Variants in PPP2R5E observed in about 807,000 individuals in gnomAD.
PPP2R5E encodes serine/threonine-protein phosphatase 2A 56 kDa regulatory subunit epsilon isoform.
A neutral mutation model predicts 65.3 loss-of-function variants in PPP2R5E; 4 were observed. That is an observed-to-expected ratio of 0.06 (90% CI 0.03 to 0.14). The LOEUF is 0.14. PPP2R5E is among the 10% of genes least tolerant of loss of function. PPP2R5E has a pLI of 1.00. For synonymous variants in PPP2R5E, 183 were observed against 187.4 expected, an observed-to-expected ratio of 0.98 and a Z score of 0.19; for missense variants, 274 against 556.1, an observed-to-expected ratio of 0.49 and a Z score of 5.10.
At chr14:63,398,745 G>A (rs944454166) in intron 5 of PPP2R5E, among the ~76,000 whole-genome samples, 5 of 152,114 alleles carry the variant, frequency 3.3e-5, no homozygotes, top group East Asian at 1.9e-4. Flanking sequence ...AGCCGAGATC[G>A]CGCTGCTGCA....
chr14:63,516,268 G>C (rs1892667903), intron 2 of PPP2R5E, among the ~76,000 whole-genome samples: 1 of 152,108 alleles, frequency 6.6e-6, no homozygotes, highest in Admixed American at 6.5e-5. Flanking sequence ...CTTGAGAAAA[G>C]AATGAGAAAT....
chr14:63,492,150 T>TACAG (rs1272490341), intron 2 of PPP2R5E, among the ~76,000 whole-genome samples: 6 of 152,112 alleles, frequency 3.9e-5, no homozygotes, highest in African/African-American at 1.4e-4. Context: ...GAACAAGAAT[T>TACAG]ACAGGTTTAT....
At chr14:63,407,128 A>T (rs1886133973) in intron 5 of PPP2R5E, among the ~76,000 whole-genome samples, 1 of 152,232 alleles carries the variant, frequency 6.6e-6, no homozygotes, top group Admixed American at 6.5e-5. Context: ...TTACAATGTG[A>T]TTATGATATT....
intron 5 of PPP2R5E, among the ~76,000 whole-genome samples, chr14:63,413,648 C>T (rs530184427): frequency 2.6e-5 from 4 of 152,328 alleles, no homozygotes; most frequent in East Asian, 3.9e-4. Flanking sequence ...AATTAGACAG[C>T]ACTATATACA....
At chr14:63,448,410 A>C (rs910570813) in intron 3 of PPP2R5E, among the ~76,000 whole-genome samples, 2 of 152,254 alleles carry the variant, frequency 1.3e-5, no homozygotes, top group Non-Finnish European at 2.9e-5. Context: ...TGCAAGAATT[A>C]TCAATATGTG....
At chr14:63,406,041 G>A (rs1055380645) in intron 5 of PPP2R5E, among the ~76,000 whole-genome samples, 1 of 152,152 alleles carries the variant, frequency 6.6e-6, no homozygotes, top group African/African-American at 2.4e-5. Context: ...AAATTCAAGT[G>A]AGCCAGTCAT....
chr14:63,470,107 T>C (rs1890040700), intron 2 of PPP2R5E, among the ~76,000 whole-genome samples: 1 of 152,080 alleles, frequency 6.6e-6, no homozygotes, highest in Non-Finnish European at 1.5e-5. Flanking sequence ...GGTCTCACTC[T>C]GTCACCCACG....
intron 3 of PPP2R5E, among the ~76,000 whole-genome samples, chr14:63,450,880 A>G (rs1205409650): frequency 9.2e-5 from 14 of 152,236 alleles, no homozygotes; most frequent in Admixed American, 9.2e-4. Flanking sequence ...CAGGAAAACA[A>G]TAGTAGCACT....
intron 11 of PPP2R5E, among the ~76,000 whole-genome samples, chr14:63,384,820 C>A (rs533730112): frequency 6.6e-6 from 1 of 152,084 alleles, no homozygotes; most frequent in East Asian, 2.0e-4. Context: ...CTCAGCCTCC[C>A]GAGTAACTGG....
At position 63,529,817 on chromosome 14, in the gene PPP2R5E, T is replaced by G. The variant is rs560744266; in HGVS notation, c.157+9712A>C. ...CTTATGAGAACATTCATTTGGCACT[T>G]CAATATTTATATGCCCTGTCTTGCA... On this transcript the variant is annotated intron_variant, in intron 2 of 13. Coordinates refer to ENST00000337537, the MANE Select transcript of PPP2R5E (RefSeq NM_006246.5). 1.7e-4 allele frequency among the ~76,000 whole-genome samples: 26 copies of G among 152,304 alleles called. No individual in the cohort carries two copies. In the South Asian group the frequency reaches 5.4e-3, roughly 32 times the overall value.
At chr14:63,452,982 C>T (rs1001975784) in intron 3 of PPP2R5E, 1 of 152,266 alleles carries the variant, frequency 6.6e-6, no homozygotes, top group Non-Finnish European at 1.5e-5. Flanking sequence ...CGTGCACTCT[C>T]CAGCTCCAAG....
chr14:63,375,140 T>TTA lies in PPP2R5E; in HGVS notation c.*867_*868dup, dbSNP rs1460994503. The stretch of plus-strand genomic sequence containing the variant: ...TTGTATTGTTTAGTGTTTGTCTTTC[T>TTA]TATTTCAAATGGTCCAAAAGGATGT... On this transcript the variant is annotated 3_prime_UTR_variant, in exon 14 of 14. Coordinates refer to ENST00000337537, the MANE Select transcript of PPP2R5E (RefSeq NM_006246.5). 2 of 152,604 alleles carry TTA rather than the reference T, an allele frequency of 1.3e-5. No homozygotes were observed. Among genetic ancestry groups the TTA allele is most frequent in the Non-Finnish European group, 2.9e-5 (2 of 68,000 alleles). 9.5% of individuals were successfully genotyped at this position (152,604 alleles called of 1,614,324 possible).
intron 5 of PPP2R5E, among the ~76,000 whole-genome samples, chr14:63,409,095 T>C (rs1886249176): frequency 6.6e-6 from 1 of 152,108 alleles, no homozygotes; most frequent in South Asian, 2.1e-4. Flanking sequence ...TAGCCAGCCG[T>C]AGTGGCGAGT....
chr14:63,420,548 CCTGAGTAAGAG>C (rs1217035685), intron 4 of PPP2R5E, among the ~76,000 whole-genome samples: 1 of 152,114 alleles, frequency 6.6e-6, no homozygotes, highest in African/African-American at 2.4e-5. Context: ...GCATAACACG[CCTGAGTAAGAG>C]CTGAGAAAAC....
At chr14:63,433,927 A>C (rs552252440) in intron 3 of PPP2R5E, among the ~76,000 whole-genome samples, 2 of 152,204 alleles carry the variant, frequency 1.3e-5, no homozygotes, top group African/African-American at 4.8e-5. Context: ...GGACCAAGGT[A>C]GTAACCACTG....
chr14:63,448,551 G>A (rs905539899), intron 3 of PPP2R5E, among the ~76,000 whole-genome samples: 6 of 152,124 alleles, frequency 3.9e-5, no homozygotes, highest in African/African-American at 1.4e-4. Flanking sequence ...AGCACTTTGG[G>A]AGGCTGAGGT....
chr14:63,425,665 T>C (rs1255614), intron 3 of PPP2R5E, among the ~76,000 whole-genome samples: 151,911 of 152,376 alleles, frequency 1, 75,731 homozygotes, highest in Middle Eastern at 1. Flanking sequence ...AATAACTAAT[T>C]AGGAATATAC....
At chr14:63,453,484 G>A (rs1373954566) in intron 3 of PPP2R5E, 1 of 423,092 alleles carries the variant, frequency 2.4e-6, no homozygotes. Context: ...CTTCAGCACT[G>A]TCGTAGTTAA....
At chr14:63,405,452 T>C (rs1425357987) in intron 5 of PPP2R5E, among the ~76,000 whole-genome samples, 1 of 152,222 alleles carries the variant, frequency 6.6e-6, no homozygotes, top group Admixed American at 6.5e-5. Context: ...ACAGGCTGAA[T>C]GATTTGCATG....
Sources: allele counts gnomAD v4.1 joint callset (sites outside exome capture counted in the v4.1 genomes callset), GRCh38; gene constraint gnomAD v4.1.1; transcripts MANE v1.5; gene names NCBI Gene and HGNC (gene_info 2026-07-23, HGNC 2026-07-21).